PIWIL1: variants seen among roughly 807,000 people sequenced by gnomAD.
PIWIL1 encodes piwi like RNA-mediated gene silencing 1.
In PIWIL1, 73 loss-of-function variants were observed where a neutral mutation model predicts 114.4. The ratio of observed to expected loss-of-function variants is 0.64; its 90% CI spans 0.53 to 0.78. The LOEUF is 0.78. PIWIL1 is among the 30% of genes least tolerant of loss of function. PIWIL1 has a pLI of 0.00. For synonymous variants in PIWIL1, 375 were observed against 369.0 expected (o/e 1.02, Z -0.19); for missense variants, 723 against 1,063.1 (o/e 0.68, Z 4.45).
chr12:130,399,959 T>G, the PIWIL1 span: 1,812 of 908,542 alleles, frequency 2.0e-3, 36 homozygotes, highest in East Asian at 0.036. Context: ...GGACTCTAAA[T>G]CAGGGTTTCC....
the PIWIL1 span, chr12:130,412,823 A>T: frequency 2.5e-6 from 4 of 1,578,480 alleles, no homozygotes; most frequent in Non-Finnish European, 3.5e-6. Flanking sequence ...AAGCACTGTA[A>T]TTGATTGGTT....
the PIWIL1 span, chr12:130,424,718 C>T: frequency 1.6e-6 from 2 of 1,232,292 alleles, no homozygotes; most frequent in Non-Finnish European, 1.0e-6. This position sits in a 1 kb window ranked among gnomAD's most constrained non-coding sequence, Gnocchi z 9.8. Flanking sequence ...GCCCTGCACC[C>T]TGCTTGTGTA....
At chr12:130,354,125 C>T (rs2136155836) in intron 9 of PIWIL1, among the ~76,000 whole-genome samples, 1 of 152,256 alleles carries the variant, frequency 6.6e-6, no homozygotes, top group Non-Finnish European at 1.5e-5. Flanking sequence ...CCTCTGTATT[C>T]TCACGGTGAG....
intron 1 of PIWIL1, among the ~76,000 whole-genome samples, chr12:130,340,767 C>G: frequency 6.6e-6 from 1 of 152,028 alleles, no homozygotes. Context: ...GCCGAGCATG[C>G]ATACGTAATC....
At position 130,354,605 on chromosome 12, in the gene PIWIL1, C is replaced by T; in HGVS notation, c.1113C>T (p.Gly371=). 1 of 1,613,048 alleles carries T rather than the reference C, an allele frequency of 6.2e-7. No homozygotes were observed. Among genetic ancestry groups the T allele is most frequent in the South Asian group, 1.1e-5 (1 of 90,810 alleles). The part of the protein sequence containing the change: ...VLVSQPKRRR[G]PGGTLPGPAM... ...TCAGCCAGCCCAAGAGAAGGCGGGG[C>T]CCTGGGGGGACACTGCCAGGGCCTG... Residue 371 remains glycine, a synonymous_variant, in exon 10 of 21, where the codon GGC becomes GGT. Transcript: ENST00000245255.
intron 9 of PIWIL1, chr12:130,351,813 T>A (rs2073219635): frequency 6.6e-6 from 1 of 152,192 alleles, no homozygotes; most frequent in Non-Finnish European, 1.5e-5. Flanking sequence ...TATAATTCAT[T>A]TAACAAGTCT....
chr12:130,342,944 T>C (rs768568526), intron 2 of PIWIL1, 46 bp from the exon 3 acceptor site: 13 of 1,418,426 alleles, frequency 9.2e-6, no homozygotes, highest in Non-Finnish European at 1.2e-5. Context: ...CTCTGGTGTC[T>C]GACCGCTTGA....
chr12:130,406,691 G>A, the PIWIL1 span, among the ~76,000 whole-genome samples: 1 of 152,204 alleles, frequency 6.6e-6, no homozygotes. Flanking sequence ...GTGTTGCCCA[G>A]GCTGGAGTGC....
At chr12:130,422,698 G>T in the PIWIL1 span, 3 of 647,058 alleles carry the variant, frequency 4.6e-6, no homozygotes, top group Middle Eastern at 2.5e-4. This position sits in a 1 kb window ranked among gnomAD's most constrained non-coding sequence, Gnocchi z 5.2. Context: ...AAGGTTAGCT[G>T]AATGGCCTGG....
At chr12:130,384,069 C>T in the PIWIL1 span, among the ~76,000 whole-genome samples, 1 of 152,190 alleles carries the variant, frequency 6.6e-6, no homozygotes, top group Non-Finnish European at 1.5e-5. Flanking sequence ...AGTGTTCCTC[C>T]ACTGCTAGAA....
At chr12:130,357,441 C>G in intron 13 of PIWIL1, 40 bp from the exon 14 acceptor site, 1 of 1,465,254 alleles carries the variant, frequency 6.8e-7, no homozygotes, top group Non-Finnish European at 9.6e-7. Flanking sequence ...CCATTTGTCG[C>G]TACTGTGTCT....
At chr12:130,377,415 C>T (rs1292358781), downstream of PIWIL1, among the ~76,000 whole-genome samples, 2 of 152,286 alleles carry the variant, frequency 1.3e-5, no homozygotes, top group East Asian at 1.9e-4. Flanking sequence ...AATGTCGGTG[C>T]GCACGCAGTT....
chr12:130,367,695 A>C (rs73450267), intron 19 of PIWIL1, among the ~76,000 whole-genome samples: 9,747 of 152,314 alleles, frequency 0.064, 398 homozygotes, highest in South Asian at 0.19. Context: ...AGCTGCACTC[A>C]CCGACCGCAA....
chr12:130,374,577 G>A (rs1294330107), downstream of PIWIL1, among the ~76,000 whole-genome samples: 4 of 152,136 alleles, frequency 2.6e-5, no homozygotes, highest in African/African-American at 9.7e-5. Flanking sequence ...TACACTCTGA[G>A]TTAAGCTGCC....
At chr12:130,343,203 A>G in intron 3 of PIWIL1, 102 bp downstream of exon 3, 2 of 687,344 alleles carry the variant, frequency 2.9e-6, no homozygotes, top group Middle Eastern at 2.6e-4. Context: ...GAAACTGTTT[A>G]AGAAACATTT....
At chr12:130,342,470 G>A in intron 1 of PIWIL1, 110 bp from the exon 2 acceptor site, 2 of 675,356 alleles carry the variant, frequency 3.0e-6, no homozygotes, top group East Asian at 2.7e-5. Flanking sequence ...CATAATAATT[G>A]CCTGGGGAGC....
chr12:130,424,619 G>A, the PIWIL1 span: 5 of 1,231,650 alleles, frequency 4.1e-6, no homozygotes, highest in Non-Finnish European at 5.1e-6. This position sits in a 1 kb window ranked among gnomAD's most constrained non-coding sequence, Gnocchi z 9.8. Flanking sequence ...GCTTCACCGG[G>A]AACCAGGAGC....
chr12:130,370,563 G>A (rs2073791486), intron 19 of PIWIL1, among the ~76,000 whole-genome samples: 2 of 152,180 alleles, frequency 1.3e-5, no homozygotes, highest in South Asian at 2.1e-4. Context: ...TCCTCAGGAG[G>A]TCCTGGAACC....
chr12:130,417,033 A>T, the PIWIL1 span, among the ~76,000 whole-genome samples: 7 of 152,230 alleles, frequency 4.6e-5, no homozygotes, highest in Admixed American at 3.9e-4. Flanking sequence ...AGACAAAATC[A>T]CAATGAGATA....
Sources: gnomAD v4.1 joint callset for allele counts (sites outside exome capture counted in the v4.1 genomes callset) on GRCh38, gnomAD v4.1.1 for gene constraint, Gnocchi (gnomAD v3.1) non-coding constraint, MANE v1.5 for transcripts, NCBI Gene and HGNC (gene_info 2026-07-23, HGNC 2026-07-21) for gene names.